MCC: variants seen among roughly 807,000 people sequenced by gnomAD.
The protein encoded by MCC is MCC regulator of Wnt signaling pathway.
In MCC, 90 loss-of-function variants were observed where a neutral mutation model predicts 116.2. The observed-to-expected ratio is 0.77, with a 90% CI of 0.65 to 0.92. MCC has a LOEUF of 0.92. Ranked by LOEUF, MCC falls within the 40% of genes least tolerant of loss-of-function variation. The pLI, the probability that MCC is intolerant of heterozygous loss-of-function variation, is 0.00. For missense variants in MCC, 1,516 were observed against 1,312.2 expected (o/e 1.16, Z -2.40); for synonymous variants, 578 against 510.5 (o/e 1.13, Z -1.78).
chr5:113,481,772 T>C (rs535614610), intron 1 of MCC, among the ~76,000 whole-genome samples: 77 of 152,276 alleles, frequency 5.1e-4, no homozygotes, highest in African/African-American at 1.8e-3. Flanking sequence ...AATCTTTTTT[T>C]AACAGCTTTG....
intron 1 of MCC, among the ~76,000 whole-genome samples, chr5:113,410,722 CA>C (rs1769966732): frequency 6.6e-6 from 1 of 152,196 alleles, no homozygotes; most frequent in African/African-American, 2.4e-5. Flanking sequence ...ACGTCATTTA[CA>C]TTAGGTGTTT....
At chr5:113,183,062 C>T (rs1198063933) in intron 3 of MCC, among the ~76,000 whole-genome samples, 1 of 152,136 alleles carries the variant, frequency 6.6e-6, no homozygotes, top group African/African-American at 2.4e-5. Context: ...TCCAGGTGGG[C>T]AGAGCACCTT....
intron 3 of MCC, among the ~76,000 whole-genome samples, chr5:113,264,633 T>G (rs997462879): frequency 6.6e-6 from 1 of 152,200 alleles, no homozygotes; most frequent in East Asian, 1.9e-4. Flanking sequence ...CATATGTTTT[T>G]GTAGAGCCTA....
At chr5:113,398,997 T>G (rs1769605839) in intron 1 of MCC, among the ~76,000 whole-genome samples, 1 of 152,190 alleles carries the variant, frequency 6.6e-6, no homozygotes, top group African/African-American at 2.4e-5. Context: ...TGAAATATAA[T>G]TAAAAATTCA....
chr5:113,222,121 T>C (rs1763573924), intron 3 of MCC, among the ~76,000 whole-genome samples: 1 of 152,230 alleles, frequency 6.6e-6, no homozygotes, highest in Non-Finnish European at 1.5e-5. Flanking sequence ...AGGGTTTTAA[T>C]TTTAAATCAT....
At chr5:113,376,574 T>TATACAC (rs10633405) in intron 2 of MCC, among the ~76,000 whole-genome samples, 4,809 of 145,824 alleles carry the variant, frequency 0.033, 86 homozygotes, top group African/African-American at 0.046. Flanking sequence ...CCATATTTTA[T>TATACAC]ACACACACAC....
At chr5:113,475,483 T>C (rs1480255284) in intron 1 of MCC, among the ~76,000 whole-genome samples, 2 of 152,218 alleles carry the variant, frequency 1.3e-5, no homozygotes, top group Non-Finnish European at 1.5e-5. Flanking sequence ...GTTAGAGTCA[T>C]CGATAATCAA....
At chr5:113,470,654 T>C (rs993817591) in intron 1 of MCC, among the ~76,000 whole-genome samples, 17 of 152,238 alleles carry the variant, frequency 1.1e-4, no homozygotes, top group African/African-American at 3.9e-4. Flanking sequence ...CTGAGAATTA[T>C]GTGTCTTGGA....
intron 11 of MCC, among the ~76,000 whole-genome samples, chr5:113,077,892 A>G (rs1754566858): frequency 6.6e-6 from 1 of 151,854 alleles, no homozygotes; most frequent in Admixed American, 6.6e-5. Flanking sequence ...AGGATCAACA[A>G]AATTGATAGA....
intron 3 of MCC, among the ~76,000 whole-genome samples, chr5:113,236,819 G>A (rs1312810345): frequency 6.6e-6 from 1 of 152,150 alleles, no homozygotes; most frequent in African/African-American, 2.4e-5. Context: ...AGGGGGACGG[G>A]GGACAGGCGG....
intron 14 of MCC, among the ~76,000 whole-genome samples, chr5:113,061,997 C>G (rs6885859): frequency 0.016 from 2,454 of 152,308 alleles, 66 homozygotes; most frequent in African/African-American, 0.055. Flanking sequence ...ATAAAGCAGT[C>G]TAATTGCATC....
chr5:113,217,889 C>T (rs1359977945), intron 3 of MCC, among the ~76,000 whole-genome samples: 1 of 152,014 alleles, frequency 6.6e-6, no homozygotes, highest in Non-Finnish European at 1.5e-5. Context: ...GTGTGCACAC[C>T]ACGCCTGTAT....
chr5:113,141,180 C>A (rs552716310), intron 5 of MCC, among the ~76,000 whole-genome samples: 41 of 152,264 alleles, frequency 2.7e-4, no homozygotes, highest in African/African-American at 9.4e-4. Context: ...CTCTTCCTGC[C>A]CTTGGACATC....
Position 113,253,086 on chromosome 5 carries a change from T to C in MCC, c.627+87433A>G, listed in dbSNP as rs541988616. 1.8e-4 allele frequency among the ~76,000 whole-genome samples: 27 copies of C among 152,248 alleles called. No homozygotes were observed. The South Asian group carries it at 3.9e-3, about 22-fold the overall frequency. ...CTTCTAGATTAAGAAGCAAGACATC[T>C]CCCTACCCCAACCCACTGGGGCACA... On this transcript the variant is annotated intron_variant, in intron 3 of 18. Transcript: ENST00000408903.
intron 5 of MCC, among the ~76,000 whole-genome samples, chr5:113,127,161 A>G (rs1458722206): frequency 6.6e-6 from 1 of 152,154 alleles, no homozygotes; most frequent in Non-Finnish European, 1.5e-5. Flanking sequence ...GGCTCCATCC[A>G]TCTTCCCACA....
At chr5:113,057,097 G>A (rs1188825092) in intron 14 of MCC, among the ~76,000 whole-genome samples, 1 of 152,202 alleles carries the variant, frequency 6.6e-6, no homozygotes, top group Admixed American at 6.5e-5. Context: ...AATCTAGGCA[G>A]GGAGTGCGGC....
intron 17 of MCC, among the ~76,000 whole-genome samples, chr5:113,029,798 C>T (rs1750830403): frequency 6.6e-6 from 1 of 152,220 alleles, no homozygotes; most frequent in South Asian, 2.1e-4. Context: ...TACTCTGACT[C>T]CCTTCCAAGA....
intron 1 of MCC, chr5:113,399,932 C>T (rs1040319067): frequency 2.0e-5 from 3 of 152,072 alleles, no homozygotes; most frequent in African/African-American, 7.2e-5. Context: ...ATGATAGTTT[C>T]CCCTTTCCAG....
At chr5:113,067,936 C>G in intron 13 of MCC, 144 bp downstream of exon 13, 1 of 663,066 alleles carries the variant, frequency 1.5e-6, no homozygotes, top group East Asian at 2.7e-5. Context: ...TTTACCCATT[C>G]AGTCATGAGG....
Sources: gnomAD v4.1 joint callset for allele counts (sites outside exome capture counted in the v4.1 genomes callset) on GRCh38, gnomAD v4.1.1 for gene constraint, MANE v1.5 for transcripts, NCBI Gene and HGNC (gene_info 2026-07-23, HGNC 2026-07-21) for gene names.